GTF2A1L: variants seen among roughly 807,000 people sequenced by gnomAD.
GTF2A1L encodes TFIIA-alpha and beta-like factor.
In GTF2A1L, 48 loss-of-function variants were observed where a neutral mutation model predicts 49.7. The ratio of observed to expected loss-of-function variants is 0.97; its 90% CI spans 0.77 to 1.23. The LOEUF (loss-of-function observed/expected upper bound fraction) is 1.23. Among genes scored for constraint, GTF2A1L ranks in the 50% most tolerant of loss-of-function variants. The pLI, the probability that GTF2A1L is intolerant of heterozygous loss-of-function variation, is 0.00. For missense variants in GTF2A1L, 736 were observed against 564.8 expected (o/e 1.30, Z -3.07); for synonymous variants, 246 against 193.5 (o/e 1.27, Z -2.25).
At chr2:48,644,911 A>G in intron 4 of GTF2A1L, 122 bp from the exon 5 acceptor site, 1 of 769,518 alleles carries the variant, frequency 1.3e-6, no homozygotes, top group East Asian at 2.9e-5. Flanking sequence ...CCTAATATTA[A>G]ATGTTAAGTA....
chr2:48,636,368 A>C (rs978357950), intron 3 of GTF2A1L, among the ~76,000 whole-genome samples: 2 of 152,216 alleles, frequency 1.3e-5, no homozygotes, highest in African/African-American at 4.8e-5. Context: ...TAATTCTTAG[A>C]TTATGCAAAG....
At chr2:48,664,728 G>A (rs1678716814) in intron 6 of GTF2A1L, among the ~76,000 whole-genome samples, 1 of 151,926 alleles carries the variant, frequency 6.6e-6, no homozygotes. Flanking sequence ...GTAAATTTTG[G>A]TAATTTCTTG....
At chr2:48,651,032 T>C (rs1677816711) in intron 6 of GTF2A1L, among the ~76,000 whole-genome samples, 1 of 152,136 alleles carries the variant, frequency 6.6e-6, no homozygotes, top group African/African-American at 2.4e-5. Flanking sequence ...GGTTCTTTCA[T>C]TGGAGGGAAG....
At chr2:48,645,766 A>G (rs1326189111) in intron 5 of GTF2A1L, among the ~76,000 whole-genome samples, 1 of 152,142 alleles carries the variant, frequency 6.6e-6, no homozygotes, top group African/African-American at 2.4e-5. Context: ...CTCCTGCCTC[A>G]GCCTCCCAAG....
rs150508709 is a variant in GTF2A1L at position 48,621,315 on chromosome 2, A to T, written c.247+25A>T. On this transcript the variant is annotated intron_variant, in intron 3 of 8. Coordinates refer to ENST00000403751, the MANE Select transcript of GTF2A1L (RefSeq NM_006872.5). ...GGTTGGATACCATTAGTAAATGAGT[A>T]CTGTTAGTATCTTCAGAACAAATTC... The T allele has an allele frequency of 3.0e-3, 4,871 of 1,613,866 alleles. 18 individuals carry two copies. Among genetic ancestry groups the T allele is most frequent in the Middle Eastern group, 4.6e-3 (28 of 6,056 alleles).
chr2:48,657,346 A>G (rs1310745343), intron 6 of GTF2A1L, among the ~76,000 whole-genome samples: 2 of 152,166 alleles, frequency 1.3e-5, no homozygotes, highest in Non-Finnish European at 2.9e-5. Context: ...TGTAAGTGAG[A>G]ACATCTCTTT....
At chr2:48,641,074 G>T (rs912999550) in intron 3 of GTF2A1L, among the ~76,000 whole-genome samples, 24 of 152,252 alleles carry the variant, frequency 1.6e-4, no homozygotes, top group Non-Finnish European at 2.6e-4. Context: ...GTACCTAAAA[G>T]AGGATGATTG....
intron 7 of GTF2A1L, 63 bp from the exon 8 acceptor site, chr2:48,671,528 C>T: frequency 6.5e-7 from 1 of 1,539,910 alleles, no homozygotes; most frequent in Non-Finnish European, 8.8e-7. Flanking sequence ...CTATATGTCT[C>T]TTTATCTTTA....
intron 7 of GTF2A1L, among the ~76,000 whole-genome samples, chr2:48,670,492 G>C (rs957124814): frequency 2.6e-5 from 4 of 152,180 alleles, no homozygotes; most frequent in Non-Finnish European, 5.9e-5. Flanking sequence ...CTTAACTAGA[G>C]GTAGTAGGTG....
At chr2:48,653,627 C>T (rs1677991794) in intron 6 of GTF2A1L, among the ~76,000 whole-genome samples, 1 of 152,064 alleles carries the variant, frequency 6.6e-6, no homozygotes, top group South Asian at 2.1e-4. Context: ...GGGTTGTTTC[C>T]AGTTTTTGGT....
rs1677532814 is a variant in GTF2A1L, at chr2:48,646,736, G to A, written c.672G>A (p.Glu224=). ...TSDILVSPGN[E]HKIVPEALLC... ...ATATACTTGTATCTCCTGGAAATGA[G>A]CATAAAATCGTGCCTGAAGCTTTGT... The change falls in exon 6 of 9, where the codon GAG becomes GAA. Residue 224 remains glutamate (E), a synonymous_variant. Transcript: ENST00000403751. 3 of 1,614,076 alleles carry A rather than the reference G, an allele frequency of 1.9e-6. No homozygotes were observed. Among genetic ancestry groups the A allele is most frequent in the African/African-American group, 1.3e-5 (1 of 74,924 alleles).
rs186655692 is a variant in GTF2A1L, at chr2:48,663,350, C to T, written c.979-6372C>T. ...TCTCGGGAGGATGAGGTGGGAGGAT[C>T]GCTTGAGCCCAGGAGGTCAAGGCTG... On this transcript the variant is annotated intron_variant, in intron 6 of 8. Transcript: ENST00000403751. 5.9e-5 allele frequency among the ~76,000 whole-genome samples: 9 copies of T among 152,116 alleles called. 1 individual carries two copies. The highest frequency in any genetic ancestry group is 1.9e-4 in the East Asian group (1 of 5,152).
chr2:48,655,094 C>T (rs539006269), intron 6 of GTF2A1L, among the ~76,000 whole-genome samples: 3 of 151,696 alleles, frequency 2.0e-5, no homozygotes, highest in South Asian at 2.1e-4. Context: ...GGGGAATTGA[C>T]GTCTTCACAA....
chr2:48,651,224 AAAGG>A, intron 6 of GTF2A1L, among the ~76,000 whole-genome samples: 1 of 152,178 alleles, frequency 6.6e-6, no homozygotes, highest in Non-Finnish European at 1.5e-5. Context: ...AAATAAAAAA[AAAGG>A]AAGCATTTCC....
At chr2:48,620,700 C>T (rs1675937812) in intron 1 of GTF2A1L, 151 bp from the exon 2 acceptor site, 1 of 314,374 alleles carries the variant, frequency 3.2e-6, no homozygotes, top group Non-Finnish European at 4.8e-6. Context: ...TTGCTTGAAC[C>T]TGGGACGTGG....
rs1679079787 is a variant in GTF2A1L at position 48,669,980 on chromosome 2, G to C, written c.1237G>C (p.Glu413Gln). ...NEDPQVNIVE[E>Q]DPLNSGDDVS... ...AGACCCTCAAGTAAACATTGTAGAA[G>C]AGGTGAGGATGACTTTTGAGCTGAG... Residue 413 changes from glutamate (E) to glutamine (Q), a missense_variant and splice_region_variant, in exon 7 of 9, where the codon GAG becomes CAG. By Grantham distance (29) the Glu-to-Gln change is conservative. Transcript: ENST00000403751. 1.2e-6 allele frequency: 2 copies of C among 1,608,918 alleles called. No individual in the cohort carries two copies. The highest frequency in any genetic ancestry group is 1.3e-5 in the African/African-American group (1 of 74,694).
At chr2:48,669,613 G>A in intron 6 of GTF2A1L, 109 bp from the exon 7 acceptor site, 3 of 1,343,464 alleles carry the variant, frequency 2.2e-6, no homozygotes, top group Non-Finnish European at 2.0e-6. Flanking sequence ...TAAGAGAGAA[G>A]TTTGCTTGAA....
intron 8 of GTF2A1L, among the ~76,000 whole-genome samples, chr2:48,677,710 TGACCTG>T (rs1679548219): frequency 6.6e-6 from 1 of 151,970 alleles, no homozygotes; most frequent in Non-Finnish European, 1.5e-5. Flanking sequence ...GCTATTGTAT[TGACCTG>T]GGCAAGAGAA....
intron 3 of GTF2A1L, among the ~76,000 whole-genome samples, chr2:48,637,193 G>C (rs1676940635): frequency 1.3e-5 from 2 of 152,072 alleles, no homozygotes; most frequent in Admixed American, 6.5e-5. Flanking sequence ...TATATTTCCT[G>C]AATCATGTAA....
Sources: allele counts gnomAD v4.1 joint callset (sites outside exome capture counted in the v4.1 genomes callset), GRCh38; gene constraint gnomAD v4.1.1; transcripts MANE v1.5; gene names NCBI Gene and HGNC (gene_info 2026-07-23, HGNC 2026-07-21).